The following RBFOX1 variants were observed in gnomAD, a reference collection of about 807,000 sequenced individuals.
The protein encoded by RBFOX1 is RNA binding fox-1 homolog 1.
Under a neutral mutation model 57.7 loss-of-function variants are expected in RBFOX1, and 8 were observed. The ratio of observed to expected loss-of-function variants is 0.14; its 90% confidence interval spans 0.08 to 0.25. The LOEUF is 0.25. Among genes scored for constraint, RBFOX1 ranks in the 10% least tolerant of loss-of-function variants. The pLI is 1.00. For synonymous variants in RBFOX1, 326 were observed against 222.4 expected, an observed-to-expected ratio of 1.47 and a Z score of -4.15; for missense variants, 611 against 548.5, an observed-to-expected ratio of 1.11 and a Z score of -1.14.
chr16:6,591,939 C>T lies in RBFOX1; in HGVS notation c.-63-62664C>T, dbSNP rs189032485. Among the ~76,000 whole-genome samples the T allele has an allele frequency of 1.9e-3, 283 of 152,266 alleles. 2 individuals are homozygous for T. The highest frequency in any genetic ancestry group is 6.7e-3 in the African/African-American group (278 of 41,566). On this transcript the variant is annotated intron_variant, in intron 2 of 15. Coordinates refer to ENST00000550418, the MANE Select transcript of RBFOX1 (RefSeq NM_018723.4). ...TATTTGGAACTGGCTTCACAGAAGA[C>T]AGAGATGTTAAGTAATATTTGATGG...
intron 2 of RBFOX1, among the ~76,000 whole-genome samples, chr16:6,454,090 C>T (rs189644236): frequency 4.6e-5 from 7 of 152,258 alleles, no homozygotes; most frequent in African/African-American, 1.7e-4. Context: ...CCTCTTCTTG[C>T]AAAGGCAGCA....
At chr16:7,148,525 G>A (rs1006300041) in intron 4 of RBFOX1, among the ~76,000 whole-genome samples, 3 of 152,212 alleles carry the variant, frequency 2.0e-5, no homozygotes, top group Non-Finnish European at 4.4e-5. Flanking sequence ...AACATATTAA[G>A]GCCGCAGTGC....
Position 6,996,788 on chromosome 16 carries a change from C to T in RBFOX1, c.-15-55269C>T, listed in dbSNP as rs546781208. On this transcript the variant is annotated intron_variant, in intron 3 of 15. Coordinates refer to ENST00000550418, the MANE Select transcript of RBFOX1 (RefSeq NM_018723.4). ...AGATAGAGGGATTTAATTTTTTACT[C>T]ATTTGATTTTTATGGCCAGTCTATG... 2.0e-5 allele frequency among the ~76,000 whole-genome samples: 3 copies of T among 152,176 alleles called. No individual in the cohort carries two copies. In the East Asian group the frequency reaches 5.8e-4, roughly 29 times the overall value.
At chr16:5,758,351 G>C (rs912619763) in intron 3 of RBFOX1, among the ~76,000 whole-genome samples, 1 of 152,134 alleles carries the variant, frequency 6.6e-6, no homozygotes, top group Non-Finnish European at 1.5e-5. Flanking sequence ...ATTGGAGCAC[G>C]GAGACCTGGA....
At chr16:7,255,386 A>G (rs1219452582) in intron 4 of RBFOX1, among the ~76,000 whole-genome samples, 2 of 152,252 alleles carry the variant, frequency 1.3e-5, no homozygotes, top group African/African-American at 2.4e-5. Context: ...TGGTAACAAT[A>G]TAAGTATCCA....
rs541689174 is a variant in RBFOX1, at chr16:5,585,415, G to T, written c.259-13487G>T. ...TTATTGATCTGTTCATCCAGTGATGGACATCTGGGGTGTTTCCTGCTTTGG... is the reference window on the plus strand; with the variant it reads ...TTATTGATCTGTTCATCCAGTGATGTACATCTGGGGTGTTTCCTGCTTTGG... On this transcript the variant is annotated intron_variant, in intron 2 of 2. Coordinates refer to the RBFOX1 transcript ENST00000585867. Among the ~76,000 whole-genome samples, 557 of 152,328 alleles carry T rather than the reference G, an allele frequency of 3.7e-3. 4 individuals carry two copies. Among genetic ancestry groups the T allele is most frequent in the Non-Finnish European group, 5.0e-3 (342 of 68,028 alleles).
At chr16:6,451,939 C>A (rs746495669) in intron 2 of RBFOX1, among the ~76,000 whole-genome samples, 19 of 146,162 alleles carry the variant, frequency 1.3e-4, no homozygotes, top group South Asian at 6.9e-4. Context: ...CATGACCCCT[C>A]CCTCCCATGA....
intron 1 of RBFOX1, among the ~76,000 whole-genome samples, chr16:5,397,858 G>A (rs2151432412): frequency 6.6e-6 from 1 of 152,314 alleles, no homozygotes; most frequent in South Asian, 2.1e-4. Flanking sequence ...TTACTTGTTA[G>A]GAATGCACAT....
intron 2 of RBFOX1, among the ~76,000 whole-genome samples, chr16:6,442,170 G>T (rs912922705): frequency 3.9e-5 from 6 of 152,170 alleles, no homozygotes; most frequent in African/African-American, 1.4e-4. Context: ...GACAGAGCTT[G>T]ACTTAGTGGT....
chr16:6,383,576 T>C (rs951376292), intron 2 of RBFOX1, among the ~76,000 whole-genome samples: 1 of 152,062 alleles, frequency 6.6e-6, no homozygotes, highest in Non-Finnish European at 1.5e-5. Flanking sequence ...AGTTCGAGAC[T>C]GGCCTGGCCA....
intron 2 of RBFOX1, among the ~76,000 whole-genome samples, chr16:6,319,721 G>T (rs1381269176): frequency 6.6e-6 from 1 of 152,102 alleles, no homozygotes; most frequent in Non-Finnish European, 1.5e-5. Context: ...ACATCCCTTT[G>T]TTGTTATCTG....
intron 5 of RBFOX1, among the ~76,000 whole-genome samples, chr16:7,574,797 C>G (rs978714243): frequency 6.6e-6 from 1 of 152,096 alleles, no homozygotes; most frequent in Non-Finnish European, 1.5e-5. Context: ...CAGTGTTAAC[C>G]GTCACAACTC....
At chr16:6,987,732 T>G (rs1373336553) in intron 3 of RBFOX1, among the ~76,000 whole-genome samples, 1 of 152,192 alleles carries the variant, frequency 6.6e-6, no homozygotes, top group Non-Finnish European at 1.5e-5. Flanking sequence ...CACAGTTTAT[T>G]CACCTGTGTG....
At position 7,673,140 on chromosome 16, in the gene RBFOX1, C is replaced by T. The variant is rs188913922; in HGVS notation, c.931-3634C>T. Among the ~76,000 whole-genome samples the T allele has an allele frequency of 6.8e-4, 103 of 152,214 alleles. 1 individual carries two copies. Among genetic ancestry groups the T allele is most frequent in the African/African-American group, 2.5e-3 (102 of 41,532 alleles). On this transcript the variant is annotated intron_variant, in intron 13 of 15. Transcript: ENST00000550418. ...CATGTTACAGTCCTACCGACGCCCA[C>T]GTCTCCCTAGCACACACAGGTTTCC... is the stretch of plus-strand genomic sequence containing the variant.
intron 11 of RBFOX1, among the ~76,000 whole-genome samples, chr16:7,653,450 G>T (rs1019585764): frequency 6.6e-6 from 1 of 152,176 alleles, no homozygotes; most frequent in Non-Finnish European, 1.5e-5. Context: ...AGGGTGCAGT[G>T]AGCCGTGATT....
At chr16:7,657,613 A>G (rs976845846) in intron 12 of RBFOX1, among the ~76,000 whole-genome samples, 15 of 152,174 alleles carry the variant, frequency 9.9e-5, no homozygotes, top group African/African-American at 3.6e-4. Flanking sequence ...ACATTCATCA[A>G]TTTCCTTTTA....
intron 1 of RBFOX1, among the ~76,000 whole-genome samples, chr16:6,122,248 G>C (rs545141711): frequency 2.6e-5 from 4 of 151,732 alleles, no homozygotes; most frequent in Non-Finnish European, 5.9e-5. Flanking sequence ...TTTAATTAAC[G>C]TCCTGATTGT....
At chr16:7,326,234 C>G (rs1465646052) in intron 4 of RBFOX1, among the ~76,000 whole-genome samples, 1 of 152,148 alleles carries the variant, frequency 6.6e-6, no homozygotes, top group African/African-American at 2.4e-5. Context: ...GGAAGCACAC[C>G]TGTGTGATAA....
At chr16:5,557,618 C>G (rs575356644) in intron 2 of RBFOX1, among the ~76,000 whole-genome samples, 117 of 152,236 alleles carry the variant, frequency 7.7e-4, no homozygotes, top group African/African-American at 2.6e-3. Context: ...GGAGAAAGAG[C>G]TGGGAAAGCA....
Sources: allele counts gnomAD v4.1 joint callset (sites outside exome capture counted in the v4.1 genomes callset), GRCh38; gene constraint gnomAD v4.1.1; transcripts MANE v1.5; gene names NCBI Gene and HGNC (gene_info 2026-07-23, HGNC 2026-07-21).